NKAIN3: variants seen among roughly 807,000 people sequenced by gnomAD.
NKAIN3 encodes the protein sodium/potassium-transporting ATPase subunit beta-1-interacting protein 3.
Under a neutral mutation model 30.2 loss-of-function variants are expected in NKAIN3, and 25 were observed. That is an observed-to-expected ratio of 0.83 (90% CI 0.60 to 1.16). NKAIN3 has a LOEUF of 1.16. Among genes scored for constraint, NKAIN3 ranks in the 50% most tolerant of loss-of-function variants. The probability of loss-of-function intolerance (pLI) is 0.00; values close to 1 mark genes in which losing one functional copy is unlikely to be tolerated. For synonymous variants in NKAIN3, 91 were observed against 89.6 expected (o/e 1.02, Z -0.09); for missense variants, 225 against 254.1 (o/e 0.89, Z 0.78).
Position 62,981,532 on chromosome 8 carries a change from CTT to C in NKAIN3, c.*16127_*16128del. ...ATGCCTGACACAGACTAACAAAGCT[CTT>C]TCTCATCCTGTGGTAGGAACTTAGG... On this transcript the variant is annotated 3_prime_UTR_variant, in exon 7 of 7. Coordinates refer to ENST00000623646, the MANE Select transcript of NKAIN3 (RefSeq NM_001304533.3). 1 of 152,228 alleles carries C rather than the reference CTT, an allele frequency of 6.6e-6. No homozygotes were observed. The highest frequency in any genetic ancestry group is 6.5e-5 in the Admixed American group (1 of 15,290). The allele number at this position is 152,228 out of a possible 1,614,324, so 9.4% of individuals were successfully genotyped here.
intron 5 of NKAIN3, among the ~76,000 whole-genome samples, chr8:62,928,277 A>G (rs1822509559): frequency 6.6e-6 from 1 of 152,146 alleles, no homozygotes; most frequent in Non-Finnish European, 1.5e-5. Context: ...TAGTGTTTCC[A>G]TTTTATCCAC....
intron 3 of NKAIN3, among the ~76,000 whole-genome samples, chr8:62,721,661 A>G (rs956992178): frequency 6.6e-6 from 1 of 152,190 alleles, no homozygotes; most frequent in Admixed American, 6.5e-5. Flanking sequence ...TATGAACAAG[A>G]AAAAAATATG....
chr8:62,411,929 A>T (rs1165619871), intron 1 of NKAIN3, among the ~76,000 whole-genome samples: 3 of 152,218 alleles, frequency 2.0e-5, no homozygotes, highest in Non-Finnish European at 4.4e-5. Flanking sequence ...ATGGAAAAAC[A>T]TTCCAGGCTT....
chr8:62,523,200 T>A (rs1176170554), intron 1 of NKAIN3, among the ~76,000 whole-genome samples: 1 of 152,188 alleles, frequency 6.6e-6, no homozygotes, highest in African/African-American at 2.4e-5. Flanking sequence ...TAAAATAACA[T>A]GCCGTACAGA....
Position 62,499,922 on chromosome 8 carries a change from T to C in NKAIN3, c.55-79617T>C, listed in dbSNP as rs376313079. Among the ~76,000 whole-genome samples, 5 of 152,280 alleles carry C rather than the reference T, an allele frequency of 3.3e-5. No individual in the cohort carries two copies. In the East Asian group the frequency reaches 7.7e-4, roughly 24 times the overall value. On this transcript the variant is annotated intron_variant, in intron 1 of 6. Coordinates refer to ENST00000623646, the MANE Select transcript of NKAIN3 (RefSeq NM_001304533.3). Reference sequence around the variant, plus strand: ...ATTTTTTAGTTCACCAATTATGCTTTCTTTTTATTATGTCTGGTCATGGTT... The same window carrying C: ...ATTTTTTAGTTCACCAATTATGCTTCCTTTTTATTATGTCTGGTCATGGTT...
chr8:62,818,461 C>T (rs1818753254), intron 4 of NKAIN3, among the ~76,000 whole-genome samples: 1 of 152,026 alleles, frequency 6.6e-6, no homozygotes, highest in South Asian at 2.1e-4. Context: ...GCATGGAAAG[C>T]ATTAATTAAA....
At chr8:62,885,929 C>T (rs1821133753) in intron 4 of NKAIN3, among the ~76,000 whole-genome samples, 1 of 152,138 alleles carries the variant, frequency 6.6e-6, no homozygotes, top group African/African-American at 2.4e-5. Context: ...GTTTTCAGAT[C>T]CACTCTGACA....
intron 1 of NKAIN3, among the ~76,000 whole-genome samples, chr8:62,476,730 C>T (rs1287171310): frequency 6.6e-6 from 1 of 152,140 alleles, no homozygotes; most frequent in East Asian, 1.9e-4. Flanking sequence ...GCTGGGATTA[C>T]AGGCGTGAGC....
At chr8:62,366,479 G>C (rs1180347312) in intron 1 of NKAIN3, among the ~76,000 whole-genome samples, 3 of 152,156 alleles carry the variant, frequency 2.0e-5, no homozygotes, top group Non-Finnish European at 4.4e-5. Flanking sequence ...AGCTGCCTCA[G>C]CCTCCCAAAG....
chr8:62,456,023 A>G (rs1250879424), intron 1 of NKAIN3, among the ~76,000 whole-genome samples: 2 of 152,198 alleles, frequency 1.3e-5, no homozygotes, highest in African/African-American at 4.8e-5. Flanking sequence ...GGACAAAAGG[A>G]TGATTCATGT....
intron 1 of NKAIN3, among the ~76,000 whole-genome samples, chr8:62,530,578 T>TG (rs1357095040): frequency 6.6e-6 from 1 of 152,118 alleles, no homozygotes; most frequent in Non-Finnish European, 1.5e-5. Context: ...CATTGAGTCA[T>TG]TTTTCTCTAC....
chr8:62,268,085 G>A (rs1812662302), intron 1 of NKAIN3, among the ~76,000 whole-genome samples: 1 of 152,160 alleles, frequency 6.6e-6, no homozygotes, highest in Admixed American at 6.5e-5. Flanking sequence ...AATCAAGGAA[G>A]AAATAGTTGC....
intron 1 of NKAIN3, among the ~76,000 whole-genome samples, chr8:62,559,940 T>A (rs1809517006): frequency 6.6e-6 from 1 of 152,116 alleles, no homozygotes; most frequent in African/African-American, 2.4e-5. Flanking sequence ...TTCTTCAGGG[T>A]AAGTCTGCTG....
chr8:62,965,250 G>T, intron 6 of NKAIN3, 104 bp from the exon 7 acceptor site: 1 of 960,804 alleles, frequency 1.0e-6, no homozygotes, highest in Non-Finnish European at 1.2e-6. Flanking sequence ...AGCACCAGGT[G>T]CACCCAGGAG....
intron 3 of NKAIN3, among the ~76,000 whole-genome samples, chr8:62,744,246 A>G (rs1421858564): frequency 2.0e-5 from 3 of 152,138 alleles, no homozygotes; most frequent in African/African-American, 7.2e-5. Flanking sequence ...CACACAAAAA[A>G]CTTAAGAAGT....
chr8:62,614,689 T>C (rs1310375937), intron 3 of NKAIN3, among the ~76,000 whole-genome samples: 1 of 152,156 alleles, frequency 6.6e-6, no homozygotes, highest in Non-Finnish European at 1.5e-5. Flanking sequence ...TTCTATTGTA[T>C]TGTGGCTGAG....
At chr8:62,774,034 A>G (rs1008733560) in intron 4 of NKAIN3, among the ~76,000 whole-genome samples, 5 of 152,186 alleles carry the variant, frequency 3.3e-5, no homozygotes, top group East Asian at 1.9e-4. Flanking sequence ...TTCTTCCAGC[A>G]TATGAACATA....
At chr8:62,454,301 CAAA>C (rs201511724) in intron 1 of NKAIN3, among the ~76,000 whole-genome samples, 14,747 of 56,008 alleles carry the variant, frequency 0.26, 1,452 homozygotes, top group East Asian at 0.52. Context: ...AGCTGATGTG[CAAA>C]AAAAAAAAAA....
At chr8:62,767,682 G>A (rs565423275) in intron 4 of NKAIN3, among the ~76,000 whole-genome samples, 1 of 151,842 alleles carries the variant, frequency 6.6e-6, no homozygotes, top group South Asian at 2.1e-4. Context: ...AATTGAAATA[G>A]ACATTTAAAG....
Sources: gnomAD v4.1 joint callset for allele counts (sites outside exome capture counted in the v4.1 genomes callset) on GRCh38, gnomAD v4.1.1 for gene constraint, MANE v1.5 for transcripts, NCBI Gene and HGNC (gene_info 2026-07-23, HGNC 2026-07-21) for gene names.